LUZP2: variants seen among roughly 807,000 people sequenced by gnomAD.
LUZP2 encodes the protein leucine zipper protein 2.
Under a neutral mutation model 51.6 loss-of-function variants are expected in LUZP2, and 52 were observed. The observed-to-expected ratio is 1.01, with a 90% CI of 0.81 to 1.27. The LOEUF (loss-of-function observed/expected upper bound fraction) is 1.27, where lower values mean the gene tolerates loss of function less well. LUZP2 is among the 50% of genes most tolerant of loss of function. The pLI, the probability that LUZP2 is intolerant of heterozygous loss-of-function variation, is 0.00. For synonymous variants in LUZP2, 154 were observed against 137.3 expected (o/e 1.12, Z -0.85); for missense variants, 436 against 395.4 (o/e 1.10, Z -0.87).
At chr11:24,728,322 A>G (rs527871161) in intron 1 of LUZP2, among the ~76,000 whole-genome samples, 143 of 151,884 alleles carry the variant, frequency 9.4e-4, no homozygotes, top group African/African-American at 3.3e-3. Flanking sequence ...ACAAACACAC[A>G]CACACACAGT....
At chr11:24,843,813 A>G (rs2716512) in intron 5 of LUZP2, among the ~76,000 whole-genome samples, 23,045 of 151,976 alleles carry the variant, frequency 0.15, 1,927 homozygotes, top group African/African-American at 0.2. Flanking sequence ...AAGAGACTTG[A>G]TGGTTTTAAA....
intron 10 of LUZP2, among the ~76,000 whole-genome samples, chr11:25,067,136 A>T (rs752971337): frequency 6.6e-6 from 1 of 151,994 alleles, no homozygotes; most frequent in Non-Finnish European, 1.5e-5. Flanking sequence ...GATTACATGT[A>T]GTGTAGGTTT....
chr11:24,846,733 C>T (rs1358237100), intron 5 of LUZP2, among the ~76,000 whole-genome samples: 1 of 151,946 alleles, frequency 6.6e-6, no homozygotes, highest in African/African-American at 2.4e-5. Flanking sequence ...AGACAAATAA[C>T]CTTTTATTTC....
At chr11:25,030,381 C>T (rs77882200) in intron 9 of LUZP2, among the ~76,000 whole-genome samples, 2,547 of 152,176 alleles carry the variant, frequency 0.017, 70 homozygotes, top group African/African-American at 0.057. Context: ...CTCTTATTAG[C>T]AATGCAGCTA....
chr11:25,062,303 G>A (rs1858862032), intron 10 of LUZP2, among the ~76,000 whole-genome samples: 1 of 151,236 alleles, frequency 6.6e-6, no homozygotes, highest in African/African-American at 2.4e-5. Flanking sequence ...TAACCTCCAG[G>A]GCCAAGCATG....
intron 5 of LUZP2, among the ~76,000 whole-genome samples, chr11:24,765,763 A>T (rs1016652215): frequency 1.3e-5 from 2 of 151,392 alleles, no homozygotes; most frequent in Non-Finnish European, 2.9e-5. Flanking sequence ...AGTAGCTAGG[A>T]CTACAGATGC....
chr11:24,854,445 C>A (rs1234276059), intron 5 of LUZP2, among the ~76,000 whole-genome samples: 1 of 152,204 alleles, frequency 6.6e-6, no homozygotes, highest in Non-Finnish European at 1.5e-5. Context: ...CCTACTCAAG[C>A]TTCAGTAATG....
At chr11:24,606,200 C>G (rs902070535) in intron 1 of LUZP2, among the ~76,000 whole-genome samples, 12 of 151,770 alleles carry the variant, frequency 7.9e-5, no homozygotes, top group African/African-American at 2.9e-4. Flanking sequence ...TGATCTCTAA[C>G]TTATAGTGGT....
chr11:24,807,779 G>A (rs562704723), intron 5 of LUZP2, among the ~76,000 whole-genome samples: 13 of 152,204 alleles, frequency 8.5e-5, no homozygotes, highest in South Asian at 2.1e-4. Context: ...TTTCAGGCAA[G>A]CGAGGTCAGA....
chr11:25,040,168 A>G (rs1004438690), intron 9 of LUZP2, among the ~76,000 whole-genome samples: 1 of 152,134 alleles, frequency 6.6e-6, no homozygotes, highest in Non-Finnish European at 1.5e-5. Flanking sequence ...GCATATGAGC[A>G]TTTGCATGCT....
rs574469484 is a variant in LUZP2, at chr11:24,602,257, A to C, written c.62+104952A>C. On this transcript the variant is annotated intron_variant, in intron 1 of 11. Coordinates refer to ENST00000336930, the MANE Select transcript of LUZP2 (RefSeq NM_001009909.4). The stretch of plus-strand genomic sequence containing the variant: ...ATGTGTATATATGTATATATATGCA[A>C]ACATATATGTACATACATATATACA... 4.9e-3 allele frequency among the ~76,000 whole-genome samples: 373 copies of C among 75,792 alleles called. 2 individuals are homozygous for C. The highest frequency in any genetic ancestry group is 7.0e-3 in the Non-Finnish European group (266 of 38,104). 49.7% of individuals were successfully genotyped at this position (75,792 alleles called of 152,430 possible). A position where few individuals can be genotyped will look rare whatever the true frequency, so the allele number is the denominator to read the frequency against.
chr11:24,967,896 T>A (rs536304874), intron 7 of LUZP2, among the ~76,000 whole-genome samples: 1 of 152,154 alleles, frequency 6.6e-6, no homozygotes, highest in Non-Finnish European at 1.5e-5. Context: ...GAATCATATA[T>A]ACATATATTA....
intron 5 of LUZP2, among the ~76,000 whole-genome samples, chr11:24,859,952 G>A (rs564476728): frequency 1.4e-5 from 2 of 147,542 alleles, no homozygotes; most frequent in East Asian, 2.0e-4. Context: ...AGGGAGGGGC[G>A]ACAAGAAATA....
chr11:25,041,253 T>G (rs76479021), intron 9 of LUZP2, among the ~76,000 whole-genome samples: 4,145 of 152,262 alleles, frequency 0.027, 210 homozygotes, highest in African/African-American at 0.095. Flanking sequence ...TGATAAAGTT[T>G]AACTTATAAA....
chr11:24,750,748 A>G (rs535543301), intron 4 of LUZP2, among the ~76,000 whole-genome samples: 1 of 152,262 alleles, frequency 6.6e-6, no homozygotes, highest in South Asian at 2.1e-4. Flanking sequence ...TAGAACCATT[A>G]TTGTAGAAAT....
chr11:24,521,984 G>T (rs1850655847), intron 1 of LUZP2, among the ~76,000 whole-genome samples: 1 of 152,070 alleles, frequency 6.6e-6, no homozygotes, highest in African/African-American at 2.4e-5. Context: ...TCAGTGGAAA[G>T]AATTAGAAAC....
At chr11:24,863,515 A>C (rs1851800184) in intron 5 of LUZP2, among the ~76,000 whole-genome samples, 1 of 152,046 alleles carries the variant, frequency 6.6e-6, no homozygotes, top group African/African-American at 2.4e-5. Flanking sequence ...CATACAGACA[A>C]AAAGTATATT....
At position 24,638,455 on chromosome 11, in the gene LUZP2, T is replaced by A. The variant is rs192235124; in HGVS notation, c.63-90714T>A. ...TAGGACACTTTAATTAAGAAAGTATTCTAAAAACTATATAGGGAAAAAATT... is the reference window on the plus strand; with the variant it reads ...TAGGACACTTTAATTAAGAAAGTATACTAAAAACTATATAGGGAAAAAATT... On this transcript the variant is annotated intron_variant, in intron 1 of 11. Transcript: ENST00000336930. Among the ~76,000 whole-genome samples, 37 of 151,782 alleles carry A rather than the reference T, an allele frequency of 2.4e-4. No individual in the cohort carries two copies. The East Asian group carries it at 6.4e-3, about 26-fold the overall frequency.
intron 1 of LUZP2, among the ~76,000 whole-genome samples, chr11:24,610,532 T>A (rs1854084796): frequency 6.6e-6 from 1 of 152,198 alleles, no homozygotes; most frequent in Non-Finnish European, 1.5e-5. Flanking sequence ...TTTTGGCCCT[T>A]GTTTATGGTG....
Sources: allele counts gnomAD v4.1 joint callset (sites outside exome capture counted in the v4.1 genomes callset), GRCh38; gene constraint gnomAD v4.1.1; transcripts MANE v1.5; gene names NCBI Gene and HGNC (gene_info 2026-07-23, HGNC 2026-07-21).